CEP128: variants seen among roughly 807,000 people sequenced by gnomAD.
CEP128 encodes the protein centrosomal protein 128, also known as centrosomal protein 128kDa.
In CEP128, 132 loss-of-function variants were observed where a neutral mutation model predicts 156.7. The ratio of observed to expected loss-of-function variants is 0.84; its 90% confidence interval spans 0.73 to 0.97. The LOEUF (loss-of-function observed/expected upper bound fraction) is 0.97. Ranked by LOEUF, CEP128 falls within the 50% of genes least tolerant of loss-of-function variation. The pLI is 0.00. For synonymous variants in CEP128, 469 were observed against 448.9 expected (o/e 1.04, Z -0.57); for missense variants, 1,252 against 1,281.9 (o/e 0.98, Z 0.36).
At chr14:80,599,748 CA>C (rs539245404) in intron 19 of CEP128, among the ~76,000 whole-genome samples, 1 of 151,498 alleles carries the variant, frequency 6.6e-6, no homozygotes, top group African/African-American at 2.4e-5. Flanking sequence ...TAAATATGTA[CA>C]AAAAAACCTA....
At chr14:80,887,378 G>C (rs370474200) in intron 8 of CEP128, among the ~76,000 whole-genome samples, 2 of 152,164 alleles carry the variant, frequency 1.3e-5, no homozygotes, top group African/African-American at 4.8e-5. Context: ...ATCATAGGAA[G>C]TGAAACACTC....
intron 2 of CEP128, among the ~76,000 whole-genome samples, chr14:80,936,978 AACC>A (rs1282678659): frequency 4.6e-5 from 7 of 152,112 alleles, no homozygotes; most frequent in East Asian, 1.9e-4. Context: ...AAAAAAAAAA[AACC>A]ACATTAGCTT....
At chr14:80,937,982 G>A (rs1451742563) in intron 2 of CEP128, among the ~76,000 whole-genome samples, 3 of 150,772 alleles carry the variant, frequency 2.0e-5, no homozygotes, top group African/African-American at 4.9e-5. Context: ...CTGCAGCCTC[G>A]ACCTTCTGGG....
intron 20 of CEP128, among the ~76,000 whole-genome samples, chr14:80,561,965 T>C (rs1055367761): frequency 4.6e-5 from 7 of 151,350 alleles, no homozygotes; most frequent in African/African-American, 7.3e-5. Flanking sequence ...TCTCACTCTG[T>C]CGCCCAGGCT....
At chr14:80,901,327 A>G (rs1436368631) in intron 6 of CEP128, among the ~76,000 whole-genome samples, 1 of 152,276 alleles carries the variant, frequency 6.6e-6, no homozygotes, top group Non-Finnish European at 1.5e-5. Flanking sequence ...TATATGCTGA[A>G]TATAAATAGT....
At chr14:80,649,056 C>T (rs923897412) in intron 19 of CEP128, among the ~76,000 whole-genome samples, 2 of 151,862 alleles carry the variant, frequency 1.3e-5, no homozygotes, top group Non-Finnish European at 1.5e-5. Context: ...TTATATTAAC[C>T]GCAACAAATA....
intron 14 of CEP128, among the ~76,000 whole-genome samples, chr14:80,478,729 G>T (rs146300088): frequency 1.3e-5 from 2 of 152,244 alleles, no homozygotes; most frequent in East Asian, 3.9e-4. Context: ...GATGATACAC[G>T]TTAGGTACAG....
At chr14:80,596,819 C>CAAAAA (rs57402112) in intron 19 of CEP128, among the ~76,000 whole-genome samples, 153 of 14,050 alleles carry the variant, frequency 0.011, 44 homozygotes, top group East Asian at 0.033. Context: ...GACACTGTCA[C>CAAAAA]AAAAAAAAAA....
rs568890241 is a variant in CEP128 at position 80,624,293 on chromosome 14, A to C, written c.2807-43870T>G. On this transcript the variant is annotated intron_variant, in intron 19 of 24. Coordinates refer to ENST00000555265, the MANE Select transcript of CEP128 (RefSeq NM_152446.5). ...TGGCTTCTTTTTTATCCCATTGTGC[A>C]TATATAACACATTTTCTTTATCCAT... Among the ~76,000 whole-genome samples the C allele has an allele frequency of 2.0e-5, 3 of 152,214 alleles. No individual in the cohort carries two copies. In the East Asian group the frequency reaches 5.8e-4, roughly 29 times the overall value.
At chr14:80,837,808 G>C (rs891547442) in intron 11 of CEP128, among the ~76,000 whole-genome samples, 2 of 152,214 alleles carry the variant, frequency 1.3e-5, no homozygotes, top group Non-Finnish European at 2.9e-5. Flanking sequence ...GTTATTCAAA[G>C]TAACCTAAAC....
chr14:80,871,602 T>G (rs1888031717), intron 8 of CEP128, among the ~76,000 whole-genome samples: 1 of 152,136 alleles, frequency 6.6e-6, no homozygotes. Flanking sequence ...TTTTGAGTGA[T>G]GACATAATTC....
intron 13 of CEP128, among the ~76,000 whole-genome samples, chr14:80,796,150 A>T (rs1298567508): frequency 6.6e-6 from 1 of 152,146 alleles, no homozygotes; most frequent in Non-Finnish European, 1.5e-5. Flanking sequence ...CTATGAAAAC[A>T]GCTCTCATCA....
At chr14:80,947,149 G>C (rs1324164501) in intron 2 of CEP128, among the ~76,000 whole-genome samples, 1 of 152,100 alleles carries the variant, frequency 6.6e-6, no homozygotes, top group Non-Finnish European at 1.5e-5. Context: ...AGTCTCAGGT[G>C]GTTCTTTATA....
intron 13 of CEP128, among the ~76,000 whole-genome samples, chr14:80,816,875 A>T (rs184540116): frequency 3.3e-5 from 5 of 152,260 alleles, no homozygotes; most frequent in African/African-American, 9.6e-5. Flanking sequence ...AGAATGCCCC[A>T]AAGATTGGCA....
intron 19 of CEP128, among the ~76,000 whole-genome samples, chr14:80,644,576 T>C (rs1237400973): frequency 6.6e-6 from 1 of 152,166 alleles, no homozygotes; most frequent in Admixed American, 6.5e-5. Context: ...TACAGAATAA[T>C]GAGAAATCAA....
Position 80,672,606 on chromosome 14 carries a change from C to G in CEP128, c.2806+70469G>C, listed in dbSNP as rs542784847. On this transcript the variant is annotated intron_variant, in intron 19 of 24. Transcript: ENST00000555265. ...ATGTTTTTAACACTTTTCTAGGTCC[C>G]TTGATTTTCACTGTCAACTACAGAC... Among the ~76,000 whole-genome samples the G allele has an allele frequency of 1.5e-4, 23 of 152,202 alleles. No individual in the cohort carries two copies. The South Asian group carries it at 2.9e-3, about 19-fold the overall frequency.
At chr14:80,910,329 T>C (rs1184403134) in intron 4 of CEP128, among the ~76,000 whole-genome samples, 1 of 152,218 alleles carries the variant, frequency 6.6e-6, no homozygotes, top group Non-Finnish European at 1.5e-5. Context: ...TGTTCAATTA[T>C]AATTCCCAGT....
chr14:80,862,578 T>G (rs1275853138), intron 9 of CEP128, among the ~76,000 whole-genome samples, 179 bp downstream of exon 9: 1 of 152,204 alleles, frequency 6.6e-6, no homozygotes, highest in Non-Finnish European at 1.5e-5. Flanking sequence ...TAATGTCACA[T>G]GGACAGCAAG....
intron 16 of CEP128, among the ~76,000 whole-genome samples, chr14:80,767,540 G>A (rs780484048): frequency 3.9e-5 from 6 of 152,094 alleles, no homozygotes; most frequent in Middle Eastern, 6.8e-3. Context: ...CTTGCCCTCT[G>A]GGAAACCAAC....
Sources: allele counts gnomAD v4.1 joint callset (sites outside exome capture counted in the v4.1 genomes callset), GRCh38; gene constraint gnomAD v4.1.1; transcripts MANE v1.5; gene names NCBI Gene and HGNC (gene_info 2026-07-23, HGNC 2026-07-21).